The following ZNRF2 variants were observed in gnomAD, a reference collection of about 807,000 sequenced individuals.
ZNRF2 encodes the protein zinc and ring finger 2.
ZNRF2 carries 16 observed loss-of-function variants against 20.4 expected under a neutral mutation model. The ratio of observed to expected loss-of-function variants is 0.79; its 90% CI spans 0.53 to 1.19. The LOEUF (loss-of-function observed/expected upper bound fraction) is 1.19. ZNRF2 is among the 50% of genes most tolerant of loss of function. The pLI, the probability that ZNRF2 is intolerant of heterozygous loss-of-function variation, is 0.00. For missense variants in ZNRF2, 363 were observed against 332.4 expected, an observed-to-expected ratio of 1.09 and a Z score of -0.72; for synonymous variants, 178 against 144.9, an observed-to-expected ratio of 1.23 and a Z score of -1.64.
intron 2 of ZNRF2, among the ~76,000 whole-genome samples, chr7:30,330,826 A>G (rs1052883559): frequency 6.6e-6 from 1 of 151,996 alleles, no homozygotes; most frequent in Non-Finnish European, 1.5e-5. Context: ...AGAAAGTCTA[A>G]GTTATCGCTG....
chr7:30,321,926 ATT>A (rs1241371244), intron 1 of ZNRF2, among the ~76,000 whole-genome samples: 2 of 151,246 alleles, frequency 1.3e-5, no homozygotes, highest in African/African-American at 4.9e-5. Flanking sequence ...CTTGGGCCAC[ATT>A]TTTTATAGTT....
At chr7:30,360,412 C>G (rs745758340) in intron 3 of ZNRF2, among the ~76,000 whole-genome samples, 13 of 152,036 alleles carry the variant, frequency 8.6e-5, no homozygotes, top group Non-Finnish European at 1.6e-4. Flanking sequence ...AATGTAAAAA[C>G]AGGCCAGGCG....
chr7:30,307,337 T>TG (rs2128059213), intron 1 of ZNRF2, among the ~76,000 whole-genome samples: 1 of 142,088 alleles, frequency 7.0e-6, no homozygotes, highest in African/African-American at 2.5e-5. Flanking sequence ...TTTTTTTTTT[T>TG]TTTTTTTTTT....
chr7:30,314,532 CAG>C (rs1449408429), intron 1 of ZNRF2, among the ~76,000 whole-genome samples: 2 of 151,444 alleles, frequency 1.3e-5, no homozygotes, highest in East Asian at 3.9e-4. Context: ...AAAAGATGGA[CAG>C]AAAGTTGATT....
At chr7:30,349,700 A>C (rs1274630166) in intron 2 of ZNRF2, among the ~76,000 whole-genome samples, 2 of 152,296 alleles carry the variant, frequency 1.3e-5, no homozygotes, top group South Asian at 4.1e-4. Flanking sequence ...TACAGTAATA[A>C]GCTTGAAAAT....
Position 30,291,222 on chromosome 7 carries a change from C to T in ZNRF2, c.469+5396C>T, listed in dbSNP as rs192211664. Reference sequence around the variant, plus strand: ...GGGTGCATAGAGGAATGATGAGAACCTGAAGCTAGAAAAATAGAAAGTGGA... The same window carrying T: ...GGGTGCATAGAGGAATGATGAGAACTTGAAGCTAGAAAAATAGAAAGTGGA... On this transcript the variant is annotated intron_variant, in intron 1 of 4. Transcript: ENST00000323037. Among the ~76,000 whole-genome samples the T allele has an allele frequency of 5.9e-5, 9 of 152,260 alleles. No homozygotes were observed. The East Asian group carries it at 1.7e-3, about 29-fold the overall frequency.
Position 30,366,506 on chromosome 7 carries a change from C to A in ZNRF2, c.*494C>A, listed in dbSNP as rs2127959400. 6.6e-6 allele frequency: 1 copy of A among 152,496 alleles called. No homozygotes were observed. Among genetic ancestry groups the A allele is most frequent in the East Asian group, 1.9e-4 (1 of 5,174 alleles). The allele number at this position is 152,496 out of a possible 1,614,324, so 9.4% of individuals were successfully genotyped here. A position where few individuals can be genotyped will look rare whatever the true frequency, so the allele number is the denominator to read the frequency against. On this transcript the variant is annotated 3_prime_UTR_variant, in exon 5 of 5. Coordinates refer to ENST00000323037, the MANE Select transcript of ZNRF2 (RefSeq NM_147128.4). Reference sequence around the variant, plus strand: ...AAATTGAAAAACATATAATTTACTTCTTATAAATTGAAGTCTTAAATGTGA... The same window carrying A: ...AAATTGAAAAACATATAATTTACTTATTATAAATTGAAGTCTTAAATGTGA...
rs146792673 is a variant in ZNRF2 at position 30,287,809 on chromosome 7, G to C, written c.469+1983G>C. 4.8e-4 allele frequency among the ~76,000 whole-genome samples: 73 copies of C among 151,728 alleles called. No homozygotes were observed. The East Asian group carries it at 5.0e-3, about 10-fold the overall frequency. On this transcript the variant is annotated intron_variant, in intron 1 of 4. Transcript: ENST00000323037. ...CAATGAATTTTAACTTTTAGCTCCA[G>C]TGCATTTAGAACGGTTTTAGTTATG...
rs149896187 is a variant in ZNRF2 at position 30,297,378 on chromosome 7, T to A, written c.469+11552T>A. ...CCTTGAATTTATGTGTCTTCTTTCT[T>A]GATGTTCTCCATTGTTTTTAGCCGA... On this transcript the variant is annotated intron_variant, in intron 1 of 4. Coordinates refer to ENST00000323037, the MANE Select transcript of ZNRF2 (RefSeq NM_147128.4). 8.7e-3 allele frequency among the ~76,000 whole-genome samples: 1,323 copies of A among 152,328 alleles called. 23 individuals carry two copies. The highest frequency in any genetic ancestry group is 0.03 in the African/African-American group (1,232 of 41,572).
chr7:30,289,799 C>T lies in ZNRF2; in HGVS notation c.469+3973C>T, dbSNP rs758859766. 13 of 534,342 alleles carry T rather than the reference C, an allele frequency of 2.4e-5. No homozygotes were observed. In the African/African-American group the frequency reaches 2.5e-4, roughly 10 times the overall value. The allele number at this position is 534,342 out of a possible 1,614,324, so 33.1% of individuals were successfully genotyped here. A position where few individuals can be genotyped will look rare whatever the true frequency, so the allele number is the denominator to read the frequency against. ...GACCTAAGAACCTGGTATTTTGATG[C>T]TTTGCTGGCTGGTGCAGTGCCTGAG... On this transcript the variant is annotated intron_variant, in intron 1 of 4. Transcript: ENST00000323037.
intron 1 of ZNRF2, among the ~76,000 whole-genome samples, chr7:30,303,323 C>T (rs949825316): frequency 6.6e-6 from 1 of 151,712 alleles, no homozygotes; most frequent in East Asian, 1.9e-4. Flanking sequence ...TTCAGTATCT[C>T]CCGAATTAAT....
intron 2 of ZNRF2, among the ~76,000 whole-genome samples, chr7:30,348,651 G>A (rs1358176937): frequency 1.3e-5 from 2 of 152,026 alleles, no homozygotes; most frequent in African/African-American, 4.8e-5. Context: ...CATTCTACTC[G>A]TAAAAGCAGC....
chr7:30,285,302 C>A lies in ZNRF2; in HGVS notation c.-56C>A. On this transcript the variant is annotated 5_prime_UTR_variant, in exon 1 of 5. Transcript: ENST00000323037. Reference sequence around the variant, plus strand: ...TGCCCTCTAGCTCCCGCGCTCGCTCCCGCCCTCCCGGCTCTCGGGGCGCAG... The same window carrying A: ...TGCCCTCTAGCTCCCGCGCTCGCTCACGCCCTCCCGGCTCTCGGGGCGCAG... The A allele has an allele frequency of 9.4e-7, 1 of 1,058,370 alleles. No homozygotes were observed. Among genetic ancestry groups the A allele is most frequent in the Non-Finnish European group, 1.1e-6 (1 of 879,362 alleles). 65.6% of individuals were successfully genotyped at this position (1,058,370 alleles called of 1,614,324 possible).
In ZNRF2 at chr7:30,362,460, A is replaced by T; in HGVS notation, c.*22+4A>T. On this transcript the variant is annotated splice_donor_region_variant and intron_variant, in intron 4 of 4. Coordinates refer to ENST00000323037, the MANE Select transcript of ZNRF2 (RefSeq NM_147128.4). ...GCGTCAGCTTCCTGTTTTATAGGTA[A>T]TTTTTTTTGTAATTACTTTTTAAAG... 1.3e-6 allele frequency: 2 copies of T among 1,567,974 alleles called. No homozygotes were observed. The highest frequency in any genetic ancestry group is 1.7e-6 in the Non-Finnish European group (2 of 1,151,664).
At chr7:30,295,583 G>A (rs1446816426) in intron 1 of ZNRF2, among the ~76,000 whole-genome samples, 1 of 152,148 alleles carries the variant, frequency 6.6e-6, no homozygotes, top group Non-Finnish European at 1.5e-5. Context: ...GGTGGTGCGT[G>A]CCTGTAGTCC....
chr7:30,332,843 G>A (rs1421930935), intron 2 of ZNRF2, among the ~76,000 whole-genome samples: 1 of 152,126 alleles, frequency 6.6e-6, no homozygotes, highest in Non-Finnish European at 1.5e-5. Flanking sequence ...ACATACGAGT[G>A]CAGGTGTCTT....
In ZNRF2 at chr7:30,355,716, C is replaced by T. The variant is rs755523683; in HGVS notation, c.566-12C>T. 37 of 1,591,364 alleles carry T rather than the reference C, an allele frequency of 2.3e-5. No individual in the cohort carries two copies. The South Asian group carries it at 3.9e-4, about 17-fold the overall frequency. On this transcript the variant is annotated splice_polypyrimidine_tract_variant and intron_variant, in intron 2 of 4. Transcript: ENST00000323037. ...AATTTTATTGTCCTGAATTCATTTT[C>T]TCTTTCTTCAGAGGATGTACTGAGT... is the stretch of plus-strand genomic sequence containing the variant.
chr7:30,361,962 A>G (rs940835118), intron 3 of ZNRF2, among the ~76,000 whole-genome samples: 2 of 152,246 alleles, frequency 1.3e-5, no homozygotes, highest in African/African-American at 4.8e-5. Flanking sequence ...AGCTTTAAAA[A>G]TGAAATATTG....
chr7:30,335,999 A>G (rs1799711524), intron 2 of ZNRF2, among the ~76,000 whole-genome samples: 1 of 152,138 alleles, frequency 6.6e-6, no homozygotes, highest in Non-Finnish European at 1.5e-5. Context: ...TTCAGGGGTA[A>G]AGAGATTTTG....
Sources: allele counts gnomAD v4.1 joint callset (sites outside exome capture counted in the v4.1 genomes callset), GRCh38; gene constraint gnomAD v4.1.1; transcripts MANE v1.5; gene names NCBI Gene and HGNC (gene_info 2026-07-23, HGNC 2026-07-21).